The following ZUP1 variants were observed in gnomAD, a reference collection of about 807,000 sequenced individuals.
ZUP1 encodes the protein zinc finger-containing ubiquitin peptidase 1.
In ZUP1, 55 loss-of-function variants were observed where a neutral mutation model predicts 68.1. The ratio of observed to expected loss-of-function variants is 0.81; its 90% CI spans 0.65 to 1.01. ZUP1 has a LOEUF of 1.01. ZUP1 is among the 50% of genes least tolerant of loss of function. ZUP1 has a pLI of 0.00. For missense variants in ZUP1, 684 were observed against 674.9 expected (o/e 1.01, Z -0.15); for synonymous variants, 223 against 221.5 (o/e 1.01, Z -0.06).
intron 9 of ZUP1, among the ~76,000 whole-genome samples, chr6:116,641,766 C>T (rs1027760526): frequency 1.3e-5 from 2 of 151,996 alleles, no homozygotes; most frequent in Non-Finnish European, 2.9e-5. Context: ...ACCCTAACAT[C>T]ACAATTAAAA....
At chr6:116,656,077 GTTTT>G (rs34192854) in intron 5 of ZUP1, among the ~76,000 whole-genome samples, 1 of 104,028 alleles carries the variant, frequency 9.6e-6, no homozygotes, top group Non-Finnish European at 2.2e-5. Flanking sequence ...ACTTTTTTTT[GTTTT>G]TTTTTTGTTT....
intron 4 of ZUP1, 147 bp from the exon 5 acceptor site, chr6:116,656,999 C>A: frequency 2.1e-6 from 1 of 473,442 alleles, no homozygotes; most frequent in Non-Finnish European, 3.5e-6. Flanking sequence ...TTTACAAAAA[C>A]TAATAACACA....
intron 7 of ZUP1, among the ~76,000 whole-genome samples, chr6:116,649,847 A>G (rs963065781): frequency 1.5e-4 from 23 of 152,340 alleles, no homozygotes; most frequent in African/African-American, 5.5e-4. Context: ...CTGAATGGAC[A>G]ACTAAGGATT....
At position 116,662,464 on chromosome 6, in the gene ZUP1, AACC is replaced by A. The variant is rs1341910954; in HGVS notation, c.560-1621_560-1619del. On this transcript the variant is annotated intron_variant, in intron 2 of 9. Coordinates refer to ENST00000368576, the MANE Select transcript of ZUP1 (RefSeq NM_145062.3). ...CAATGGAGTCATCTAGGGCTGATGTAACCACCAACACTGTTGTGTCAATGAATC... is the reference window on the plus strand; with the variant it reads ...CAATGGAGTCATCTAGGGCTGATGTAACCAACACTGTTGTGTCAATGAATC... 2.0e-5 allele frequency among the ~76,000 whole-genome samples: 3 copies of A among 152,340 alleles called. No individual in the cohort carries two copies. In the East Asian group the frequency reaches 5.8e-4, roughly 29 times the overall value.
intron 5 of ZUP1, among the ~76,000 whole-genome samples, chr6:116,656,382 C>T (rs180870324): frequency 3.9e-5 from 6 of 152,210 alleles, no homozygotes; most frequent in Admixed American, 3.3e-4. Flanking sequence ...CCGCGCCCAG[C>T]CTCCTTTTCA....
At chr6:116,652,249 T>C (rs1776531008) in intron 5 of ZUP1, 57 bp from the exon 6 acceptor site, 2 of 1,379,458 alleles carry the variant, frequency 1.4e-6, no homozygotes, top group Non-Finnish European at 2.0e-6. Flanking sequence ...TGCTATCTCA[T>C]ACATTTTTAA....
Position 116,652,028 on chromosome 6 carries a change from C to A in ZUP1, c.1126G>T (p.Asp376Tyr). 6.2e-7 allele frequency: 1 copy of A among 1,613,890 alleles called. No homozygotes were observed. Among genetic ancestry groups the A allele is most frequent in the Non-Finnish European group, 8.5e-7 (1 of 1,179,850 alleles). Residue 376 changes from aspartate to tyrosine, a missense_variant, in exon 6 of 10, where the codon GAT (aspartate) becomes TAT (tyrosine). By Grantham distance (160) the Asp-to-Tyr change is radical. Coordinates refer to ENST00000368576, the MANE Select transcript of ZUP1 (RefSeq NM_145062.3). ...CCTTTTAAGCAATCGTTGTAAGCAT[C>A]ATTTTGTAATAATGATGAAAGTAGC... is the stretch of plus-strand genomic sequence containing the variant. Reference protein sequence around the residue: ...QMLLSSLLQNDAYNDCLKGML... With the variant: ...QMLLSSLLQNYAYNDCLKGML...
intron 9 of ZUP1, among the ~76,000 whole-genome samples, chr6:116,636,089 CA>C (rs1364520733): frequency 6.6e-6 from 1 of 151,672 alleles, no homozygotes; most frequent in African/African-American, 2.4e-5. Flanking sequence ...CAGATAAAGA[CA>C]AAACAGTATG....
At chr6:116,655,628 A>G (rs191937381) in intron 5 of ZUP1, among the ~76,000 whole-genome samples, 59 of 152,344 alleles carry the variant, frequency 3.9e-4, no homozygotes, top group African/African-American at 1.4e-3. Flanking sequence ...AATATATACA[A>G]AGAAAAAAAT....
Position 116,658,867 on chromosome 6 carries a change from T to C in ZUP1, c.728A>G (p.Glu243Gly). 6.2e-7 allele frequency: 1 copy of C among 1,612,220 alleles called. No homozygotes were observed. Among genetic ancestry groups the C allele is most frequent in the Non-Finnish European group, 8.5e-7 (1 of 1,179,284 alleles). ...DLQLAHQLQQ[E>G]EDRKRRSEES... ...TTCAGATCTCCTCTTTCTGTCTTCT[T>C]CTTGCTGAAGCTGGTGAGCCAATTG... Residue 243 changes from glutamate to glycine, a missense_variant, in exon 4 of 10, where the codon GAA (glutamate) becomes GGA (glycine). Physicochemically the swap from Glu to Gly is moderately conservative, Grantham distance 98 (BLOSUM62 -2). Transcript: ENST00000368576.
chr6:116,656,442 A>G (rs960878951), intron 5 of ZUP1, among the ~76,000 whole-genome samples: 1 of 152,224 alleles, frequency 6.6e-6, no homozygotes, highest in African/African-American at 2.4e-5. Context: ...TGTGGCTCAC[A>G]TTATATTTCT....
intron 9 of ZUP1, among the ~76,000 whole-genome samples, chr6:116,644,661 G>A (rs963218232): frequency 6.6e-6 from 1 of 151,776 alleles, no homozygotes; most frequent in African/African-American, 2.4e-5. Flanking sequence ...GACACAGGAA[G>A]GGGAACATCA....
rs145222586 is a variant in ZUP1, at chr6:116,647,517, T to A, written c.1410A>T (p.Gly470=). Residue 470 remains glycine, a synonymous_variant, in exon 8 of 10, where the codon GGA becomes GGT. Transcript: ENST00000368576. The part of the protein sequence containing the change: ...EWILNYYSSE[G]EGSPKVVCTS... ...TACACACTACCTTTGGACTCCCTTC[T>A]CCCTCTGAAGAATAATAGTTCAATA... The A allele has an allele frequency of 1.1e-4, 183 of 1,600,910 alleles. No individual in the cohort carries two copies. Among genetic ancestry groups the A allele is most frequent in the Middle Eastern group, 1.7e-4 (1 of 6,034 alleles).
At chr6:116,639,409 C>A (rs1426824882) in intron 9 of ZUP1, among the ~76,000 whole-genome samples, 2 of 152,244 alleles carry the variant, frequency 1.3e-5, no homozygotes, top group Admixed American at 6.5e-5. Flanking sequence ...TGACCCCTGA[C>A]CCCTGAGCAG....
intron 8 of ZUP1, chr6:116,646,156 T>C (rs1056517951): frequency 2.6e-5 from 10 of 382,054 alleles, no homozygotes; most frequent in Non-Finnish European, 4.2e-5. Flanking sequence ...AAAAAAAACA[T>C]TTTTATTCTG....
chr6:116,645,793 C>T lies in ZUP1; in HGVS notation c.1610G>A (p.Arg537Gln), dbSNP rs758411743. 1.1e-5 allele frequency: 17 copies of T among 1,613,832 alleles called. No individual in the cohort carries two copies. The highest frequency in any genetic ancestry group is 8.9e-5 in the East Asian group (4 of 44,802). Residue 537 changes from arginine (R) to glutamine (Q), a missense_variant, in exon 9 of 10, where the codon CGG becomes CAG. Transcript: ENST00000368576. Reference sequence around the variant, plus strand: ...ATGTTTTAAATTTCCCATAGATTTCCGAAGTTGCTTGAGACTGCTAGCCTC... The same window carrying T: ...ATGTTTTAAATTTCCCATAGATTTCTGAAGTTGCTTGAGACTGCTAGCCTC... ...DIEASSLKQL[R>Q]KSMGNLKHKQ...
chr6:116,668,377 A>G (rs1583384620), intron 1 of ZUP1, among the ~76,000 whole-genome samples, 189 bp downstream of exon 1: 1 of 152,244 alleles, frequency 6.6e-6, no homozygotes, highest in East Asian at 1.9e-4. Flanking sequence ...GCCTCAGAGG[A>G]AGCGAGTGAG....
Position 116,636,850 on chromosome 6 carries a change from A to T in ZUP1, c.1690-971T>A, listed in dbSNP as rs182277625. 3.3e-3 allele frequency among the ~76,000 whole-genome samples: 505 copies of T among 152,284 alleles called. 13 individuals are homozygous for T. The highest frequency in any genetic ancestry group is 0.024 in the Admixed American group (369 of 15,302). ...GTTATTGCTTTGAAGAAATACTTTT[A>T]AAAAATGAGTTATAAAAGCTAATAT... On this transcript the variant is annotated intron_variant, in intron 9 of 9. Coordinates refer to ENST00000368576, the MANE Select transcript of ZUP1 (RefSeq NM_145062.3).
intron 3 of ZUP1, 64 bp from the exon 4 acceptor site, chr6:116,658,988 AAT>A (rs774251488): frequency 3.4e-5 from 46 of 1,351,104 alleles, no homozygotes; most frequent in Middle Eastern, 3.9e-4. Context: ...TTTATTATTT[AAT>A]ATATGTTTTT....
Sources: allele counts gnomAD v4.1 joint callset (sites outside exome capture counted in the v4.1 genomes callset), GRCh38; gene constraint gnomAD v4.1.1; transcripts MANE v1.5; gene names NCBI Gene and HGNC (gene_info 2026-07-23, HGNC 2026-07-21).